The following CDKL1 variants were observed in gnomAD, a reference collection of about 807,000 sequenced individuals.
CDKL1 encodes the protein cyclin dependent kinase like 1, also known as cyclin-dependent kinase-like 1.
CDKL1 carries 41 observed loss-of-function variants against 42.0 expected under a neutral mutation model. That is an observed-to-expected ratio of 0.98 (90% CI 0.76 to 1.27). The LOEUF is 1.27. Among genes scored for constraint, CDKL1 ranks in the 50% most tolerant of loss-of-function variants. The pLI, the probability that CDKL1 is intolerant of heterozygous loss-of-function variation, is 0.00. For synonymous variants in CDKL1, 153 were observed against 158.6 expected, an observed-to-expected ratio of 0.96 and a Z score of 0.26; for missense variants, 394 against 428.4, an observed-to-expected ratio of 0.92 and a Z score of 0.71.
intron 7 of CDKL1, among the ~76,000 whole-genome samples, chr14:50,335,291 G>C (rs563232666): frequency 3.3e-5 from 3 of 90,742 alleles, no homozygotes; most frequent in Non-Finnish European, 5.7e-5. Context: ...GCAAGACCCT[G>C]TCTCAAAAAA....
chr14:50,332,223 G>A (rs377326524), intron 9 of CDKL1, 39 bp downstream of exon 9: 1 of 1,614,184 alleles, frequency 6.2e-7, no homozygotes, highest in Non-Finnish European at 8.5e-7. Flanking sequence ...CCAACTCTCT[G>A]TACCAGGTGG....
At chr14:50,359,222 AAAGT>A (rs1363379347) in intron 2 of CDKL1, 73 bp from the exon 3 acceptor site, 2 of 1,517,470 alleles carry the variant, frequency 1.3e-6, no homozygotes, top group African/African-American at 1.4e-5. Context: ...GATCCAATAA[AAAGT>A]AAGTTGTTTG....
chr14:50,335,295 C>CAAAAA (rs55777134), intron 7 of CDKL1, among the ~76,000 whole-genome samples: 10 of 54,312 alleles, frequency 1.8e-4, no homozygotes, highest in African/African-American at 3.3e-4. Context: ...GACCCTGTCT[C>CAAAAA]AAAAAAAAAA....
At chr14:50,355,637 G>A (rs868650153) in intron 3 of CDKL1, among the ~76,000 whole-genome samples, 8 of 152,320 alleles carry the variant, frequency 5.3e-5, no homozygotes, top group Middle Eastern at 6.8e-3. Flanking sequence ...ATCCACAGGT[G>A]AGGAAGGCCC....
At chr14:50,337,165 T>C (rs1027243863) in intron 7 of CDKL1, among the ~76,000 whole-genome samples, 3 of 151,274 alleles carry the variant, frequency 2.0e-5, no homozygotes. Context: ...TGTGCCACCG[T>C]GCCTGGCTAA....
At position 50,362,257 on chromosome 14, in the gene CDKL1, C is replaced by T. The variant is rs192969089; in HGVS notation, c.169-3108G>A. On this transcript the variant is annotated intron_variant, in intron 2 of 9. Coordinates refer to ENST00000395834, the MANE Select transcript of CDKL1 (RefSeq NM_004196.7). ...GCTCCGCAGCACCCGGTCCCATCGA[C>T]CACCCAAGGACTGAGGAGTGCGGGC... The T allele has an allele frequency of 2.4e-3, 896 of 379,456 alleles. 16 individuals carry two copies. In the East Asian group the frequency reaches 0.034, roughly 14 times the overall value. The allele number at this position is 379,456 out of a possible 1,614,324, so 23.5% of individuals were successfully genotyped here.
At chr14:50,359,196 A>T (rs1163098533) in intron 2 of CDKL1, 47 bp from the exon 3 acceptor site, 1 of 1,578,948 alleles carries the variant, frequency 6.3e-7, no homozygotes, top group East Asian at 2.3e-5. Context: ...TGTGAAAGAC[A>T]GCTTTCTCTA....
intron 4 of CDKL1, chr14:50,342,866 C>G: frequency 8.0e-7 from 1 of 1,254,148 alleles, no homozygotes; most frequent in Non-Finnish European, 1.0e-6. Flanking sequence ...CTCTGACATT[C>G]ATCCGGACAA....
At chr14:50,372,514 T>TGTTTTCTTTACTGTGCA (rs1163961086) in intron 2 of CDKL1, among the ~76,000 whole-genome samples, 5 of 152,242 alleles carry the variant, frequency 3.3e-5, no homozygotes, top group African/African-American at 1.2e-4. Flanking sequence ...TTTACAGTGT[T>TGTTTTCTTTACTGTGCA]GTTTTCTTTA....
At chr14:50,332,845 G>A (rs11570874) in intron 8 of CDKL1, 2 of 523,808 alleles carry the variant, frequency 3.8e-6, no homozygotes, top group Admixed American at 3.6e-5. Context: ...AGTTAATACA[G>A]CATACAGCAA....
At chr14:50,392,182 A>G (rs1048904190) in intron 2 of CDKL1, among the ~76,000 whole-genome samples, 1 of 152,324 alleles carries the variant, frequency 6.6e-6, no homozygotes, top group Non-Finnish European at 1.5e-5. Flanking sequence ...GCGGGGGCTC[A>G]CGCCCATAAT....
chr14:50,371,392 C>T (rs910601744), intron 2 of CDKL1, among the ~76,000 whole-genome samples: 4 of 152,310 alleles, frequency 2.6e-5, no homozygotes, highest in African/African-American at 2.4e-5. Context: ...CAACATTTAT[C>T]TTACATCTTT....
intron 2 of CDKL1, among the ~76,000 whole-genome samples, chr14:50,382,547 T>G (rs941020671): frequency 6.6e-6 from 1 of 151,084 alleles, no homozygotes; most frequent in Admixed American, 6.6e-5. Flanking sequence ...AATTACTCCT[T>G]CCTTCCTTCC....
At chr14:50,363,440 A>G (rs746662657) in intron 2 of CDKL1, 3 of 152,448 alleles carry the variant, frequency 2.0e-5, no homozygotes, top group Non-Finnish European at 4.4e-5. Flanking sequence ...AGATGTCTCA[A>G]CCAGAGAGTA....
At chr14:50,387,523 CA>C (rs10543388) in intron 2 of CDKL1, among the ~76,000 whole-genome samples, 13,825 of 147,236 alleles carry the variant, frequency 0.094, 626 homozygotes, top group African/African-American at 0.12. Context: ...GACTCCATCT[CA>C]AAAAAAAAAA....
intron 3 of CDKL1, among the ~76,000 whole-genome samples, chr14:50,346,450 C>T (rs1050306455): frequency 2.0e-5 from 3 of 151,854 alleles, no homozygotes; most frequent in Non-Finnish European, 2.9e-5. Context: ...ATGCTTTTCC[C>T]CAGCCTCCAC....
chr14:50,386,672 C>T (rs763311599), intron 2 of CDKL1, among the ~76,000 whole-genome samples: 7 of 152,092 alleles, frequency 4.6e-5, no homozygotes, highest in Non-Finnish European at 8.8e-5. Flanking sequence ...TGCCTGTAAA[C>T]CCAGTACCTT....
At chr14:50,392,351 C>T (rs991599331) in intron 2 of CDKL1, among the ~76,000 whole-genome samples, 5 of 151,896 alleles carry the variant, frequency 3.3e-5, no homozygotes, top group South Asian at 2.1e-4. Context: ...GAGGCTGAGG[C>T]AGGAGAATCT....
At chr14:50,353,322 G>A (rs775470907) in intron 3 of CDKL1, among the ~76,000 whole-genome samples, 49 of 152,150 alleles carry the variant, frequency 3.2e-4, no homozygotes, top group Non-Finnish European at 6.2e-4. Context: ...GAAATTCTTC[G>A]GAGATGATGA....
Sources: allele counts gnomAD v4.1 joint callset (sites outside exome capture counted in the v4.1 genomes callset), GRCh38; gene constraint gnomAD v4.1.1; transcripts MANE v1.5; gene names NCBI Gene and HGNC (gene_info 2026-07-23, HGNC 2026-07-21).